Variants in LIN52 observed in about 807,000 individuals in gnomAD.
The protein encoded by LIN52 is protein lin-52 homolog.
LIN52 carries 4 observed loss-of-function variants against 18.5 expected under a neutral mutation model. That is an observed-to-expected ratio of 0.22 (90% confidence interval 0.11 to 0.49). The LOEUF is 0.49. LIN52 is among the 20% of genes least tolerant of loss of function. The pLI, the probability that LIN52 is intolerant of heterozygous loss-of-function variation, is 0.97. For missense variants in LIN52, 102 were observed against 139.5 expected (o/e 0.73, Z 1.35); for synonymous variants, 34 against 45.5 (o/e 0.75, Z 1.02).
intron 5 of LIN52, among the ~76,000 whole-genome samples, chr14:74,119,250 C>T (rs1395874125): frequency 2.7e-5 from 4 of 150,632 alleles, no homozygotes; most frequent in Admixed American, 6.6e-5. Flanking sequence ...CAAGCTCCGC[C>T]TCCTGGGTTC....
intron 5 of LIN52, among the ~76,000 whole-genome samples, chr14:74,187,666 T>G (rs1411275704): frequency 6.6e-6 from 1 of 152,238 alleles, no homozygotes; most frequent in African/African-American, 2.4e-5. Context: ...ATTTATTTAT[T>G]TCACAAATAT....
rs915941060 is a variant in LIN52 at position 74,164,439 on chromosome 14, C to A, written c.284-34483C>A. 2.0e-5 allele frequency among the ~76,000 whole-genome samples: 3 copies of A among 151,918 alleles called. No individual in the cohort carries two copies. In the South Asian group the frequency reaches 6.2e-4, roughly 32 times the overall value. The stretch of plus-strand genomic sequence containing the variant: ...AGCTGGGAGTACAGGCAGGCACCAC[C>A]ATGCCCAGCTAATTTTTATATTTTT... On this transcript the variant is annotated intron_variant, in intron 5 of 5. Coordinates refer to ENST00000555028, the MANE Select transcript of LIN52 (RefSeq NM_001024674.3).
intron 5 of LIN52, among the ~76,000 whole-genome samples, chr14:74,115,683 G>A (rs2060960494): frequency 6.6e-6 from 1 of 152,124 alleles, no homozygotes. Flanking sequence ...TTTTTGAAAT[G>A]TTTTATGATA....
intron 4 of LIN52, among the ~76,000 whole-genome samples, chr14:74,100,485 T>A (rs894967522): frequency 2.0e-5 from 3 of 149,528 alleles, no homozygotes; most frequent in East Asian, 3.9e-4. Context: ...TTATTTATAT[T>A]TTTTTTTTGA....
chr14:74,115,780 T>G (rs930591427), intron 5 of LIN52, among the ~76,000 whole-genome samples: 1 of 152,248 alleles, frequency 6.6e-6, no homozygotes, highest in Non-Finnish European at 1.5e-5. Context: ...CTTTAAGGCT[T>G]GTAAACATTC....
chr14:74,178,926 A>C (rs1243429649), intron 5 of LIN52, among the ~76,000 whole-genome samples: 1 of 151,654 alleles, frequency 6.6e-6, no homozygotes, highest in African/African-American at 2.4e-5. Flanking sequence ...ACAAAAAAAA[A>C]CAACTTAAAA....
At chr14:74,181,206 CAG>C (rs2061317375) in intron 5 of LIN52, among the ~76,000 whole-genome samples, 1 of 150,884 alleles carries the variant, frequency 6.6e-6, no homozygotes, top group Non-Finnish European at 1.5e-5. Flanking sequence ...TTTGGAAGGA[CAG>C]AGTGAGAGGA....
intron 5 of LIN52, among the ~76,000 whole-genome samples, chr14:74,171,464 G>A (rs17408637): frequency 0.012 from 1,880 of 151,474 alleles, 38 homozygotes; most frequent in African/African-American, 0.042. Flanking sequence ...GTCGTAGTAA[G>A]AATATAAAGT....
intron 1 of LIN52, among the ~76,000 whole-genome samples, chr14:74,088,699 T>C (rs904045786): frequency 4.6e-5 from 7 of 152,214 alleles, no homozygotes; most frequent in Admixed American, 1.3e-4. Flanking sequence ...GAAAAGTACA[T>C]TTTGTACGTA....
At chr14:74,145,877 G>A (rs1163902425) in intron 5 of LIN52, among the ~76,000 whole-genome samples, 1 of 152,088 alleles carries the variant, frequency 6.6e-6, no homozygotes, top group African/African-American at 2.4e-5. Context: ...TTTTTCCACT[G>A]GACTACCAAT....
chr14:74,115,177 T>C (rs1293454858), intron 5 of LIN52, among the ~76,000 whole-genome samples: 3 of 152,204 alleles, frequency 2.0e-5, no homozygotes, highest in Admixed American at 6.5e-5. Context: ...TTACATGCAA[T>C]TGGAAATTAG....
At chr14:74,167,361 G>A (rs1238272230) in intron 5 of LIN52, among the ~76,000 whole-genome samples, 1 of 151,916 alleles carries the variant, frequency 6.6e-6, no homozygotes, top group Admixed American at 6.6e-5. Context: ...AACCCCTCTG[G>A]GTTTGAACAG....
At chr14:74,101,415 T>C in intron 5 of LIN52, among the ~76,000 whole-genome samples, 177 bp downstream of exon 5, 1 of 151,712 alleles carries the variant, frequency 6.6e-6, no homozygotes, top group Admixed American at 6.6e-5. Context: ...TATGGTGGAG[T>C]GTGGTGGAAT....
At chr14:74,161,803 T>G (rs980982653) in intron 5 of LIN52, among the ~76,000 whole-genome samples, 1 of 152,184 alleles carries the variant, frequency 6.6e-6, no homozygotes, top group South Asian at 2.1e-4. Context: ...TGAACATAGC[T>G]GAGACCCTGC....
At chr14:74,151,289 G>A (rs934599479) in intron 5 of LIN52, among the ~76,000 whole-genome samples, 8 of 152,180 alleles carry the variant, frequency 5.3e-5, no homozygotes, top group African/African-American at 1.9e-4. Flanking sequence ...TGTGAATGAA[G>A]CAATAATAAC....
At chr14:74,152,642 T>G (rs1160996067) in intron 5 of LIN52, among the ~76,000 whole-genome samples, 1 of 151,806 alleles carries the variant, frequency 6.6e-6, no homozygotes, top group Non-Finnish European at 1.5e-5. Context: ...CACTTGAGTT[T>G]TGACTTTTCT....
intron 5 of LIN52, among the ~76,000 whole-genome samples, chr14:74,179,503 T>C (rs78679992): frequency 0.13 from 19,596 of 151,812 alleles, 1,934 homozygotes; most frequent in East Asian, 0.58. Flanking sequence ...CTACTAAAAA[T>C]ACAAAATTAG....
intron 5 of LIN52, among the ~76,000 whole-genome samples, chr14:74,182,773 C>T (rs1224230676): frequency 2.0e-5 from 3 of 152,128 alleles, no homozygotes; most frequent in Non-Finnish European, 4.4e-5. Flanking sequence ...AGTAAGTAAC[C>T]AAGGACTCTT....
intron 5 of LIN52, among the ~76,000 whole-genome samples, chr14:74,109,678 A>AT (rs1177734535): frequency 1.3e-5 from 2 of 152,170 alleles, no homozygotes; most frequent in Non-Finnish European, 2.9e-5. Flanking sequence ...CATTTGTTAA[A>AT]TTTTTTCCTA....
Sources: allele counts gnomAD v4.1 joint callset (sites outside exome capture counted in the v4.1 genomes callset), GRCh38; gene constraint gnomAD v4.1.1; transcripts MANE v1.5; gene names NCBI Gene and HGNC (gene_info 2026-07-23, HGNC 2026-07-21).